PALLD: variants seen among roughly 807,000 people sequenced by gnomAD.
PALLD encodes the protein palladin.
PALLD carries 61 observed loss-of-function variants against 123.5 expected under a neutral mutation model. The observed-to-expected ratio is 0.49, with a 90% confidence interval of 0.40 to 0.61. PALLD has a LOEUF of 0.61. Ranked by LOEUF, PALLD falls within the 20% of genes least tolerant of loss-of-function variation. The pLI, the probability that PALLD is intolerant of heterozygous loss-of-function variation, is 0.00. For missense variants in PALLD, 1,273 were observed against 1,377.0 expected (o/e 0.92, Z 1.20); for synonymous variants, 465 against 496.4 (o/e 0.94, Z 0.84).
At chr4:168,656,004 C>T (rs1778522724) in intron 2 of PALLD, among the ~76,000 whole-genome samples, 1 of 152,168 alleles carries the variant, frequency 6.6e-6, no homozygotes, top group African/African-American at 2.4e-5. Context: ...TTTGGAGTTT[C>T]ATAATTCTGA....
At chr4:168,921,803 C>T (rs2126499796) in intron 18 of PALLD, 62 bp downstream of exon 18, 2 of 1,263,224 alleles carry the variant, frequency 1.6e-6, no homozygotes, top group Non-Finnish European at 2.3e-6. Context: ...CAAATGTAAA[C>T]TAATTCTACA....
chr4:168,882,188 A>G (rs1277543355), intron 10 of PALLD, among the ~76,000 whole-genome samples: 1 of 152,228 alleles, frequency 6.6e-6, no homozygotes, highest in African/African-American at 2.4e-5. Flanking sequence ...ATAGGCCCAC[A>G]GCTCCTTATG....
At chr4:168,777,809 C>T (rs1245890904) in intron 10 of PALLD, among the ~76,000 whole-genome samples, 1 of 152,180 alleles carries the variant, frequency 6.6e-6, no homozygotes, top group Non-Finnish European at 1.5e-5. Context: ...ACTTTACATG[C>T]GTGGGACTCT....
chr4:168,511,678 T>G lies in PALLD; in HGVS notation c.174T>G (p.Phe58Leu). 6.2e-7 allele frequency: 1 copy of G among 1,614,176 alleles called. No homozygotes were observed. Among genetic ancestry groups the G allele is most frequent in the Non-Finnish European group, 8.5e-7 (1 of 1,180,020 alleles). The change falls in exon 2 of 22, where the codon TTT (phenylalanine) becomes TTG (leucine). Residue 58 changes from phenylalanine (F) to leucine (L), a missense_variant. Phe to Leu is a conservative substitution (Grantham distance 22, BLOSUM62 0). Transcript: ENST00000505667. ...TAGCCGACTCCGAAACAGAAGATTT[T>G]GACTCGGAAAAGGAGATCTCGCAGA... ...RAIADSETEDFDSEKEISQIF... is the reference protein window; with the variant it reads ...RAIADSETEDLDSEKEISQIF...
At chr4:168,676,781 G>T (rs918051428) in intron 3 of PALLD, among the ~76,000 whole-genome samples, 2 of 150,564 alleles carry the variant, frequency 1.3e-5, no homozygotes, top group African/African-American at 4.9e-5. Context: ...GGGTTTCACC[G>T]TGTTAGCCAG....
chr4:168,714,823 G>T (rs909572263), intron 10 of PALLD, among the ~76,000 whole-genome samples: 1 of 151,014 alleles, frequency 6.6e-6, no homozygotes. Context: ...TGTCTGATGT[G>T]TCAGATGTCT....
rs898768059 is a variant in PALLD at position 168,686,213 on chromosome 4, G to T, written c.1335+654G>T. ...TCCTGGGTTTTTTTGTTTTGGTTTG[G>T]TTTGTTTTTTTTACTTTAAATTCTG... is the stretch of plus-strand genomic sequence containing the variant. On this transcript the variant is annotated intron_variant, in intron 6 of 21. Transcript: ENST00000505667. Among the ~76,000 whole-genome samples the T allele has an allele frequency of 2.0e-5, 3 of 151,934 alleles. No homozygotes were observed. In the East Asian group the frequency reaches 5.8e-4, roughly 29 times the overall value.
intron 2 of PALLD, among the ~76,000 whole-genome samples, chr4:168,653,954 C>A (rs1778312485): frequency 6.6e-6 from 1 of 151,946 alleles, no homozygotes; most frequent in Non-Finnish European, 1.5e-5. Flanking sequence ...CCCACCTCGA[C>A]CTCCCAAAGT....
chr4:168,599,372 A>G (rs1215023807), intron 2 of PALLD, among the ~76,000 whole-genome samples: 1 of 152,220 alleles, frequency 6.6e-6, no homozygotes, highest in Non-Finnish European at 1.5e-5. Context: ...ATCTATTTGA[A>G]GGACAAGTTG....
At chr4:168,756,330 AT>A in intron 10 of PALLD, 1 of 236,464 alleles carries the variant, frequency 4.2e-6, no homozygotes, top group Non-Finnish European at 8.8e-6. Context: ...ATATCAGAAC[AT>A]TTTGGATGGT....
chr4:168,606,445 A>G (rs528185395), intron 2 of PALLD, among the ~76,000 whole-genome samples: 4 of 151,972 alleles, frequency 2.6e-5, no homozygotes, highest in Non-Finnish European at 5.9e-5. Flanking sequence ...GAGGCCGAGG[A>G]GGGTGGATCA....
intron 10 of PALLD, among the ~76,000 whole-genome samples, chr4:168,785,811 GA>G (rs1480385355): frequency 1.4e-5 from 2 of 139,678 alleles, no homozygotes; most frequent in African/African-American, 5.2e-5. Context: ...AAAATAAAGG[GA>G]GAGGGGACAG....
chr4:168,684,056 T>G (rs1336164550), intron 5 of PALLD, among the ~76,000 whole-genome samples: 1 of 152,170 alleles, frequency 6.6e-6, no homozygotes, highest in Non-Finnish European at 1.5e-5. Flanking sequence ...TTTGATTAAA[T>G]CAGTGGGCAT....
At chr4:168,908,403 G>C (rs1758251173) in intron 15 of PALLD, among the ~76,000 whole-genome samples, 1 of 151,882 alleles carries the variant, frequency 6.6e-6, no homozygotes. Context: ...TAGAATCTCA[G>C]CTTTACAACA....
chr4:168,862,575 T>C lies in PALLD; in HGVS notation c.1965-28347T>C, dbSNP rs1749655734. On this transcript the variant is annotated intron_variant, in intron 10 of 21. Coordinates refer to ENST00000505667, the MANE Select transcript of PALLD (RefSeq NM_001166108.2). ...ATGTTGTTGATTGCGCTCTCTCATA[T>C]GGTCCCTTGCCTTCAGCCATTTTCA... 1.3e-5 allele frequency among the ~76,000 whole-genome samples: 2 copies of C among 152,236 alleles called. 1 individual carries two copies. Among genetic ancestry groups the C allele is most frequent in the South Asian group, 4.1e-4 (2 of 4,838 alleles).
At chr4:168,897,928 G>A (rs1755581960) in intron 13 of PALLD, 1 of 152,316 alleles carries the variant, frequency 6.6e-6, no homozygotes, top group African/African-American at 2.4e-5. Context: ...GCCCTTGCAA[G>A]GCAGGGATTG....
chr4:168,575,771 A>T (rs1204303361), intron 2 of PALLD, among the ~76,000 whole-genome samples: 18 of 152,074 alleles, frequency 1.2e-4, no homozygotes, highest in Admixed American at 1.2e-3. Context: ...GGGGCTTGAG[A>T]TTCTGCATTC....
At chr4:168,504,346 A>C (rs1474943152) in intron 1 of PALLD, among the ~76,000 whole-genome samples, 2 of 152,204 alleles carry the variant, frequency 1.3e-5, no homozygotes, top group Non-Finnish European at 2.9e-5. Context: ...CTGTAATCCC[A>C]GCATTTTGGG....
chr4:168,716,041 C>T (rs1173336038), intron 10 of PALLD, among the ~76,000 whole-genome samples: 1 of 152,136 alleles, frequency 6.6e-6, no homozygotes, highest in Admixed American at 6.5e-5. Context: ...ATGTGGTAGG[C>T]GATTTGCCAA....
Sources: gnomAD v4.1 joint callset for allele counts (sites outside exome capture counted in the v4.1 genomes callset) on GRCh38, gnomAD v4.1.1 for gene constraint, MANE v1.5 for transcripts, NCBI Gene and HGNC (gene_info 2026-07-23, HGNC 2026-07-21) for gene names.